Variants in PTHLH observed in about 807,000 individuals in gnomAD.
PTHLH encodes the protein parathyroid hormone like hormone.
In PTHLH, 5 loss-of-function variants were observed where a neutral mutation model predicts 18.6. The observed-to-expected ratio is 0.27, with a 90% CI of 0.14 to 0.56. The LOEUF is 0.56. Among genes scored for constraint, PTHLH ranks in the 20% least tolerant of loss-of-function variants. The pLI is 0.92. For missense variants in PTHLH, 207 were observed against 223.9 expected, an observed-to-expected ratio of 0.92 and a Z score of 0.48; for synonymous variants, 90 against 94.0, an observed-to-expected ratio of 0.96 and a Z score of 0.25.
At chr12:27,970,484 C>T (rs1218097564) in intron 2 of PTHLH, 1 of 151,438 alleles carries the variant, frequency 6.6e-6, no homozygotes, top group Non-Finnish European at 1.5e-5. Flanking sequence ...CTGCCGACCC[C>T]GGAGCTGTCA....
In PTHLH at chr12:27,963,509, T is replaced by A. The variant is rs1407781559; in HGVS notation, c.363A>T (p.Thr121=). The A allele has an allele frequency of 6.2e-7, 1 of 1,614,144 alleles. No homozygotes were observed. The highest frequency in any genetic ancestry group is 2.2e-5 in the East Asian group (1 of 44,882). The change falls in exon 5 of 6, where the codon ACA becomes ACT. Residue 121 remains threonine (T), a synonymous_variant. Coordinates refer to ENST00000545234, the MANE Select transcript of PTHLH (RefSeq NM_198965.2). Reference sequence around the variant, plus strand: ...GCTTGCCTTTCTTTTTCTTCCCAGGTGTCTTGAGCGGCTGCTCTTTGTACG... The same window carrying A: ...GCTTGCCTTTCTTTTTCTTCCCAGGAGTCTTGAGCGGCTGCTCTTTGTACG... The part of the protein sequence containing the change: ...VETYKEQPLK[T]PGKKKKGKPG...
chr12:27,962,667 G>GAA (rs779718760), intron 5 of PTHLH: 1 of 984,958 alleles, frequency 1.0e-6, no homozygotes. Flanking sequence ...AGATACATGA[G>GAA]AAAAACCTAT....
intron 5 of PTHLH, among the ~76,000 whole-genome samples, chr12:27,961,289 A>ATATATATATATG (rs1216700849): frequency 3.2e-5 from 1 of 31,574 alleles, no homozygotes; most frequent in Non-Finnish European, 6.2e-5. Flanking sequence ...ATATATACGT[A>ATATATATATATG]TATATATATA....
intron 5 of PTHLH, among the ~76,000 whole-genome samples, chr12:27,959,718 T>C (rs754886268): frequency 2.6e-5 from 4 of 152,198 alleles, no homozygotes; most frequent in African/African-American, 4.8e-5. Flanking sequence ...TTTAAAAGTG[T>C]TTTAATGTCT....
intron 5 of PTHLH, among the ~76,000 whole-genome samples, chr12:27,961,276 C>CATATATATACGTATATATATATACGTAT (rs1161531877): frequency 3.8e-5 from 2 of 52,754 alleles, no homozygotes; most frequent in African/African-American, 1.4e-4. Context: ...TTTTATAACT[C>CATATATATACGTATATATATATACGTAT]ATATATATAC....
rs758827011 is a variant in PTHLH, at chr12:27,963,506, A to G, written c.366T>C (p.Pro122=). 2 of 1,613,716 alleles carry G rather than the reference A, an allele frequency of 1.2e-6. No individual in the cohort carries two copies. Among genetic ancestry groups the G allele is most frequent in the Admixed American group, 1.7e-5 (1 of 59,964 alleles). ...CGGGCTTGCCTTTCTTTTTCTTCCC[A>G]GGTGTCTTGAGCGGCTGCTCTTTGT... is the stretch of plus-strand genomic sequence containing the variant. The part of the protein sequence containing the change: ...ETYKEQPLKT[P]GKKKKGKPGK... Residue 122 remains proline, a synonymous_variant, in exon 5 of 6, where the codon CCT becomes CCC. Coordinates refer to ENST00000545234, the MANE Select transcript of PTHLH (RefSeq NM_198965.2).
chr12:27,969,177 G>A (rs1198710271), intron 4 of PTHLH: 2 of 585,630 alleles, frequency 3.4e-6, no homozygotes, highest in African/African-American at 1.9e-5. Context: ...CACACATAAA[G>A]TCTCTCTCTT....
At chr12:27,967,257 C>A (rs571399411) in intron 4 of PTHLH, among the ~76,000 whole-genome samples, 2 of 152,306 alleles carry the variant, frequency 1.3e-5, no homozygotes, top group South Asian at 4.1e-4. Context: ...CATGCTCTAG[C>A]TCCATTAATT....
intron 4 of PTHLH, among the ~76,000 whole-genome samples, chr12:27,964,858 A>T (rs1249348993): frequency 1.3e-5 from 2 of 152,166 alleles, no homozygotes; most frequent in Admixed American, 6.5e-5. Flanking sequence ...TATATTATTA[A>T]CCATATTTAC....
rs1269806953 is a variant in PTHLH, at chr12:27,970,154, G to T, written c.-152C>A. 1 of 517,704 alleles carries T rather than the reference G, an allele frequency of 1.9e-6. No homozygotes were observed. The highest frequency in any genetic ancestry group is 1.9e-5 in the Admixed American group (1 of 51,576). 32.1% of individuals were successfully genotyped at this position (517,704 alleles called of 1,614,324 possible). A position where few individuals can be genotyped will look rare whatever the true frequency, so the allele number is the denominator to read the frequency against. ...GCGGGTCGTTAGTGGCAGCCGGAGC[G>T]GCAGGGAGGCGGCAGCCCCGCTTCA... On this transcript the variant is annotated 5_prime_UTR_variant, in exon 3 of 6. Transcript: ENST00000545234.
rs767095241 is a variant in PTHLH, at chr12:27,963,327, C to G, written c.524+21G>C. ...AGCTGAGAGCACCCCGCTGAGGCTACGGGCCAGAGAAGCCTGTTACCGTGA... is the reference window on the plus strand; with the variant it reads ...AGCTGAGAGCACCCCGCTGAGGCTAGGGGCCAGAGAAGCCTGTTACCGTGA... On this transcript the variant is annotated intron_variant, in intron 5 of 5. Transcript: ENST00000545234. 3 of 1,614,174 alleles carry G rather than the reference C, an allele frequency of 1.9e-6. No individual in the cohort carries two copies. In the South Asian group the frequency reaches 3.3e-5, roughly 18 times the overall value.
chr12:27,961,018 A>G (rs1048704585), intron 5 of PTHLH, among the ~76,000 whole-genome samples: 3 of 151,864 alleles, frequency 2.0e-5, no homozygotes, highest in African/African-American at 7.3e-5. Context: ...TGGCTGCCAA[A>G]CAGTTCTTTC....
Position 27,963,389 on chromosome 12 carries a change from G to A in PTHLH, c.483C>T (p.His161=). 1.2e-6 allele frequency: 2 copies of A among 1,614,190 alleles called. No individual in the cohort carries two copies. Among genetic ancestry groups the A allele is most frequent in the Admixed American group, 1.7e-5 (1 of 60,032 alleles). ...GCGACGTTGTGGAGGTGTCAGACAG[G>A]TGGTCCCCTTCTAGCCCACTCCCAG... ...GVTGSGLEGD[H]LSDTSTTSLE... The change falls in exon 5 of 6, where the codon CAC becomes CAT. Residue 161 remains histidine, a synonymous_variant. Transcript: ENST00000545234.
At position 27,963,758 on chromosome 12, in the gene PTHLH, C is replaced by T. The variant is rs200164918; in HGVS notation, c.114G>A (p.Val38=). The T allele has an allele frequency of 5.6e-6, 9 of 1,613,982 alleles. No homozygotes were observed. The Admixed American group carries it at 1.3e-4, about 24-fold the overall frequency. The change falls in exon 5 of 6, where the codon GTG becomes GTA. Residue 38 remains valine, a synonymous_variant. Coordinates refer to ENST00000545234, the MANE Select transcript of PTHLH (RefSeq NM_198965.2). ...TGTCATGGAGGAGCTGATGTTCAGA[C>T]ACAGCTCTTTTGCTTTGAAAGAAAA... ...EGLSRRLKRA[V]SEHQLLHDKG...
At chr12:27,964,406 C>G (rs148230044) in intron 4 of PTHLH, among the ~76,000 whole-genome samples, 1 of 151,910 alleles carries the variant, frequency 6.6e-6, no homozygotes, top group East Asian at 1.9e-4. Context: ...CCATCTGATT[C>G]ACAGACTGAA....
At position 27,969,431 on chromosome 12, in the gene PTHLH, A is replaced by T; in HGVS notation, c.64T>A (p.Ser22Thr). The T allele has an allele frequency of 6.3e-7, 1 of 1,595,092 alleles. No individual in the cohort carries two copies. ...AGACCCTCCACCGAGCGCCCGCAGG[A>T]GGGCACCGCGTAGCTCAGCAGGAAC... Reference protein sequence around the residue: ...AVFLLSYAVPSCGRSVEGLSR... With the variant: ...AVFLLSYAVPTCGRSVEGLSR... The change falls in exon 4 of 6, where the codon TCC becomes ACC. Residue 22 changes from serine to threonine, a missense_variant. Ser to Thr is a moderately conservative substitution (Grantham distance 58). Transcript: ENST00000545234.
At position 27,970,075 on chromosome 12, in the gene PTHLH, G is replaced by A. The variant is rs367822112; in HGVS notation, c.-73C>T. On this transcript the variant is annotated 5_prime_UTR_variant, in exon 3 of 6. Transcript: ENST00000545234. Reference sequence around the variant, plus strand: ...GGAAAGTTGATTCCACACACCCTGAGAACAAGTTTCAAGTGCGTGTGTCGT... The same window carrying A: ...GGAAAGTTGATTCCACACACCCTGAAAACAAGTTTCAAGTGCGTGTGTCGT... The A allele has an allele frequency of 7.7e-6, 4 of 518,946 alleles. No homozygotes were observed. Among genetic ancestry groups the A allele is most frequent in the Non-Finnish European group, 1.5e-5 (4 of 259,884 alleles). The allele number at this position is 518,946 out of a possible 1,614,324, so 32.1% of individuals were successfully genotyped here. A position where few individuals can be genotyped will look rare whatever the true frequency, so the allele number is the denominator to read the frequency against.
intron 5 of PTHLH, chr12:27,962,504 G>C: frequency 1.0e-6 from 1 of 975,042 alleles, no homozygotes; most frequent in Non-Finnish European, 1.2e-6. Flanking sequence ...TCAGACCCAA[G>C]ACTTGGCCCT....
chr12:27,961,801 G>A (rs889695477), intron 5 of PTHLH: 45 of 557,066 alleles, frequency 8.1e-5, no homozygotes, highest in Non-Finnish European at 1.3e-4. Context: ...GGGTTTGCCA[G>A]CTTAAAGAGA....
Sources: allele counts gnomAD v4.1 joint callset (sites outside exome capture counted in the v4.1 genomes callset), GRCh38; gene constraint gnomAD v4.1.1; transcripts MANE v1.5; gene names NCBI Gene and HGNC (gene_info 2026-07-23, HGNC 2026-07-21).